Variants in SLC24A2 observed in about 807,000 individuals in gnomAD.
SLC24A2 encodes the protein solute carrier family 24 member 2, also known as sodium/potassium/calcium exchanger 2.
SLC24A2 carries 36 observed loss-of-function variants against 62.0 expected under a neutral mutation model. That is an observed-to-expected ratio of 0.58 (90% confidence interval 0.44 to 0.77). The LOEUF (loss-of-function observed/expected upper bound fraction) is 0.77, where lower values mean the gene tolerates loss of function less well. SLC24A2 is among the 30% of genes least tolerant of loss of function. SLC24A2 has a pLI of 0.00. For missense variants in SLC24A2, 846 were observed against 817.9 expected (o/e 1.03, Z -0.42); for synonymous variants, 358 against 294.0 (o/e 1.22, Z -2.23).
At chr9:19,799,407 G>C in the SLC24A2 span, among the ~76,000 whole-genome samples, 1 of 152,100 alleles carries the variant, frequency 6.6e-6, no homozygotes, top group African/African-American at 2.4e-5. Context: ...GCCACGTTCT[G>C]TGTTTATCTA....
the SLC24A2 span, among the ~76,000 whole-genome samples, chr9:20,111,872 T>C: frequency 6.6e-6 from 1 of 152,124 alleles, no homozygotes. Flanking sequence ...AAAATGAAAA[T>C]GTTCTTGTTT....
chr9:20,138,779 A>C, the SLC24A2 span, among the ~76,000 whole-genome samples: 1 of 152,194 alleles, frequency 6.6e-6, no homozygotes, highest in Non-Finnish European at 1.5e-5. Context: ...AACTCACCTC[A>C]TGCAGACAGG....
chr9:20,155,680 C>T, the SLC24A2 span, among the ~76,000 whole-genome samples: 39 of 151,816 alleles, frequency 2.6e-4, no homozygotes, highest in African/African-American at 9.2e-4. Flanking sequence ...ATAGGAGTTA[C>T]ACAGATATAA....
the SLC24A2 span, among the ~76,000 whole-genome samples, chr9:19,797,226 C>T: frequency 6.6e-6 from 1 of 152,080 alleles, no homozygotes; most frequent in Admixed American, 6.5e-5. Flanking sequence ...TTGTTCATTA[C>T]TTTATGTTGA....
intron 2 of SLC24A2, among the ~76,000 whole-genome samples, chr9:19,637,352 C>T (rs1818384873): frequency 6.6e-6 from 1 of 152,192 alleles, no homozygotes; most frequent in Admixed American, 6.5e-5. Context: ...CCAATGGTGC[C>T]CAACTGTGTT....
intron 3 of SLC24A2, among the ~76,000 whole-genome samples, chr9:19,620,806 G>A (rs939893341): frequency 6.6e-5 from 10 of 152,156 alleles, no homozygotes; most frequent in South Asian, 2.1e-4. Context: ...AACTTTCAGC[G>A]TAAAAGTTTG....
At chr9:20,147,187 T>A in the SLC24A2 span, among the ~76,000 whole-genome samples, 1 of 152,166 alleles carries the variant, frequency 6.6e-6, no homozygotes, top group Admixed American at 6.6e-5. Context: ...TTGGATACCT[T>A]TCCTGGCATT....
the SLC24A2 span, among the ~76,000 whole-genome samples, chr9:19,838,340 T>C: frequency 1.3e-5 from 2 of 152,106 alleles, no homozygotes; most frequent in African/African-American, 2.4e-5. Flanking sequence ...ATTTAATAAA[T>C]GGTGCTGGGA....
At chr9:20,169,285 A>G in the SLC24A2 span, among the ~76,000 whole-genome samples, 4 of 152,094 alleles carry the variant, frequency 2.6e-5, no homozygotes, top group Non-Finnish European at 4.4e-5. Flanking sequence ...GACAGACAGG[A>G]AAAAGTACTA....
chr9:19,607,425 T>A (rs185591744), intron 4 of SLC24A2, among the ~76,000 whole-genome samples: 1 of 151,204 alleles, frequency 6.6e-6, no homozygotes, highest in East Asian at 2.0e-4. Flanking sequence ...ATCAAAATCA[T>A]TTTTTTTTGG....
At chr9:20,076,867 A>ATATATATACATATCATATG in the SLC24A2 span, among the ~76,000 whole-genome samples, 1 of 58,762 alleles carries the variant, frequency 1.7e-5, no homozygotes, top group African/African-American at 7.6e-5. Context: ...ATATGTATAT[A>ATATATATACATATCATATG]TATATATATA....
chr9:20,030,510 C>T, the SLC24A2 span, among the ~76,000 whole-genome samples: 1 of 152,102 alleles, frequency 6.6e-6, no homozygotes, highest in African/African-American at 2.4e-5. Flanking sequence ...CTGGCTGCAC[C>T]AATACGGTGA....
the SLC24A2 span, among the ~76,000 whole-genome samples, chr9:19,948,997 A>AT: frequency 1.6e-3 from 244 of 151,242 alleles, 6 homozygotes; most frequent in East Asian, 0.047. Context: ...TATTTATTTA[A>AT]TTAATTTTAT....
chr9:19,820,038 T>C, the SLC24A2 span, among the ~76,000 whole-genome samples: 86 of 107,314 alleles, frequency 8.0e-4, 1 homozygote, highest in African/African-American at 3.4e-3. Context: ...CATATATATA[T>C]ATACATATAT....
chr9:19,754,334 T>C (rs1410352974), intron 2 of SLC24A2, among the ~76,000 whole-genome samples: 1 of 152,210 alleles, frequency 6.6e-6, no homozygotes, highest in Non-Finnish European at 1.5e-5. Context: ...GCGTAGGACT[T>C]GGAGCATGAC....
rs376703293 is a variant in SLC24A2 at position 19,550,136 on chromosome 9, C to G, written c.1479+1G>C. On this transcript the variant is annotated splice_donor_variant, in intron 8 of 10. Transcript: ENST00000341998. LOFTEE classifies it high-confidence loss of function. Reference sequence around the variant, plus strand: ...AACTATTTTTAAAATGCTTTACTTACAGGTTTGCGAACGTCAGGTAACGTA... The same window carrying G: ...AACTATTTTTAAAATGCTTTACTTAGAGGTTTGCGAACGTCAGGTAACGTA... 4.3e-6 allele frequency: 7 copies of G among 1,613,674 alleles called. No individual in the cohort carries two copies. Among genetic ancestry groups the G allele is most frequent in the South Asian group, 1.1e-5 (1 of 91,056 alleles).
the SLC24A2 span, among the ~76,000 whole-genome samples, chr9:20,015,264 C>T: frequency 5.3e-5 from 8 of 152,248 alleles, no homozygotes; most frequent in East Asian, 1.5e-3. Context: ...TGGAGGAGAG[C>T]AAGGTTGAGC....
At chr9:20,192,769 G>A in the SLC24A2 span, among the ~76,000 whole-genome samples, 3 of 152,082 alleles carry the variant, frequency 2.0e-5, no homozygotes, top group African/African-American at 4.8e-5. Context: ...TTTTTTTGAA[G>A]CTCCTTGATT....
intron 7 of SLC24A2, among the ~76,000 whole-genome samples, chr9:19,558,449 C>CA (rs1352834713): frequency 6.6e-6 from 1 of 152,244 alleles, no homozygotes; most frequent in East Asian, 1.9e-4. Context: ...AGGTGGCAAC[C>CA]AAGTGCACTA....
Sources: allele counts gnomAD v4.1 joint callset (sites outside exome capture counted in the v4.1 genomes callset), GRCh38; gene constraint gnomAD v4.1.1; transcripts MANE v1.5; gene names NCBI Gene and HGNC (gene_info 2026-07-23, HGNC 2026-07-21).